Variants in PTPRM observed in about 807,000 individuals in gnomAD.
The protein encoded by PTPRM is receptor-type tyrosine-protein phosphatase mu.
PTPRM carries 47 observed loss-of-function variants against 186.7 expected under a neutral mutation model. The ratio of observed to expected loss-of-function variants is 0.25; its 90% CI spans 0.20 to 0.32. The LOEUF is 0.32. Ranked by LOEUF, PTPRM falls within the 10% of genes least tolerant of loss-of-function variation. PTPRM has a pLI of 1.00. For synonymous variants in PTPRM, 668 were observed against 674.9 expected, an observed-to-expected ratio of 0.99 and a Z score of 0.16; for missense variants, 1,494 against 1,865.0, an observed-to-expected ratio of 0.80 and a Z score of 3.66.
chr18:8,129,699 G>A (rs541762049), intron 13 of PTPRM, among the ~76,000 whole-genome samples: 4 of 152,124 alleles, frequency 2.6e-5, no homozygotes, highest in Non-Finnish European at 5.9e-5. Context: ...TTATGGTTGT[G>A]TTCCAATATA....
chr18:7,957,699 A>C (rs574288630), intron 7 of PTPRM, among the ~76,000 whole-genome samples: 4 of 152,360 alleles, frequency 2.6e-5, no homozygotes, highest in Non-Finnish European at 2.9e-5. Context: ...TATAGGAAGA[A>C]ATATGGTTCA....
intron 13 of PTPRM, among the ~76,000 whole-genome samples, chr18:8,139,438 C>T (rs2092712763): frequency 6.6e-6 from 1 of 152,184 alleles, no homozygotes; most frequent in Non-Finnish European, 1.5e-5. Flanking sequence ...CCTGCCTCCA[C>T]CGTGGCCCGC....
At chr18:8,085,279 T>C (rs1255357146) in intron 9 of PTPRM, among the ~76,000 whole-genome samples, 1 of 152,098 alleles carries the variant, frequency 6.6e-6, no homozygotes, top group African/African-American at 2.4e-5. Flanking sequence ...AGTCAAATTA[T>C]GGCCACTAGA....
chr18:7,927,172 T>C (rs1325309378), intron 5 of PTPRM, among the ~76,000 whole-genome samples: 1 of 152,228 alleles, frequency 6.6e-6, no homozygotes, highest in African/African-American at 2.4e-5. Context: ...TAGTGATCAA[T>C]TGTGTGACTT....
At chr18:8,370,394 G>C (rs1413456033) in intron 23 of PTPRM, among the ~76,000 whole-genome samples, 2 of 152,140 alleles carry the variant, frequency 1.3e-5, no homozygotes, top group African/African-American at 4.8e-5. Flanking sequence ...ATACTAAAAT[G>C]AATCTGTAGT....
intron 32 of PTPRM, among the ~76,000 whole-genome samples, chr18:8,405,756 C>T (rs112772870): frequency 3.3e-5 from 5 of 152,346 alleles, no homozygotes; most frequent in African/African-American, 1.2e-4. Flanking sequence ...AAGGCATTTC[C>T]TGAAGCACTC....
chr18:7,843,282 C>T (rs1459895607), intron 2 of PTPRM, among the ~76,000 whole-genome samples: 1 of 152,034 alleles, frequency 6.6e-6, no homozygotes, highest in Non-Finnish European at 1.5e-5. Flanking sequence ...TTCAACTGGC[C>T]CTGTCTCTCC....
intron 8 of PTPRM, among the ~76,000 whole-genome samples, chr18:8,076,190 A>G (rs1161634636): frequency 6.6e-6 from 1 of 152,110 alleles, no homozygotes; most frequent in East Asian, 1.9e-4. Context: ...TTTCTTTTGG[A>G]AGAGTAAAAA....
rs875530 is a variant in PTPRM at position 7,774,106 on chromosome 18, T to G, written c.74-43T>G. 5 of 1,562,730 alleles carry G rather than the reference T, an allele frequency of 3.2e-6. No individual in the cohort carries two copies. The East Asian group carries it at 1.1e-4, about 35-fold the overall frequency. On this transcript the variant is annotated intron_variant, in intron 1 of 32. Transcript: ENST00000580170. The stretch of plus-strand genomic sequence containing the variant: ...CAATCATCATAGCTTATTCTAGAGG[T>G]CTGGTTGGTATTTACATTACTTTTT...
intron 19 of PTPRM, among the ~76,000 whole-genome samples, chr18:8,269,620 C>G (rs913575620): frequency 6.6e-6 from 1 of 151,920 alleles, no homozygotes; most frequent in Admixed American, 6.6e-5. Flanking sequence ...GCATTAGACT[C>G]CCTGATTTCA....
intron 20 of PTPRM, among the ~76,000 whole-genome samples, chr18:8,304,848 T>G (rs2095203594): frequency 6.6e-6 from 1 of 151,950 alleles, no homozygotes; most frequent in African/African-American, 2.4e-5. Context: ...GCTCTTTGTT[T>G]TTCAATGAGA....
chr18:7,735,913 G>T (rs2040760646), intron 1 of PTPRM, among the ~76,000 whole-genome samples: 1 of 151,706 alleles, frequency 6.6e-6, no homozygotes, highest in Non-Finnish European at 1.5e-5. Context: ...TGCCAATCAG[G>T]AAATCTTTGA....
intron 1 of PTPRM, among the ~76,000 whole-genome samples, chr18:7,765,705 CATT>C (rs2041985065): frequency 6.6e-6 from 1 of 152,074 alleles, no homozygotes. Context: ...GAACATATAA[CATT>C]AATTCTTTTG....
intron 2 of PTPRM, among the ~76,000 whole-genome samples, chr18:7,800,889 G>C (rs1007024491): frequency 6.6e-6 from 1 of 152,052 alleles, no homozygotes; most frequent in Non-Finnish European, 1.5e-5. Context: ...AAGTATTAAC[G>C]TATCTAAACA....
Position 7,953,551 on chromosome 18 carries a change from A to G in PTPRM, c.839-1570A>G, listed in dbSNP as rs183623886. On this transcript the variant is annotated intron_variant, in intron 6 of 32. Coordinates refer to ENST00000580170, the MANE Select transcript of PTPRM (RefSeq NM_001105244.2). ...TTTACATTATGTTTGTAGTCTCTGA[A>G]GGAAAATTCATTCACAGTTTTGTGT... 2.3e-3 allele frequency among the ~76,000 whole-genome samples: 353 copies of G among 152,356 alleles called. 3 individuals carry two copies. Among genetic ancestry groups the G allele is most frequent in the East Asian group, 7.7e-4 (4 of 5,192 alleles).
At position 7,568,600 on chromosome 18, in the gene PTPRM, C is replaced by T. The variant is rs1311223277; in HGVS notation, c.73+709C>T. Among the ~76,000 whole-genome samples, 3 of 152,220 alleles carry T rather than the reference C, an allele frequency of 2.0e-5. No homozygotes were observed. Among genetic ancestry groups the T allele is most frequent in the African/African-American group, 7.2e-5 (3 of 41,470 alleles). ...GCCCCGCTGGGCTCCCCCTCCCCAC[C>T]CTCGTCCCCCTAGCGGAGCGCCGCG... On this transcript the variant is annotated intron_variant, in intron 1 of 32. Transcript: ENST00000580170. The surrounding 1 kb of genome is among the most constrained non-coding windows in gnomAD (Gnocchi z 5.1).
At chr18:7,914,887 G>A (rs2050464965) in intron 4 of PTPRM, among the ~76,000 whole-genome samples, 1 of 152,068 alleles carries the variant, frequency 6.6e-6, no homozygotes, top group Admixed American at 6.5e-5. Context: ...TTTTATTCTG[G>A]TGGTTGGGCA....
intron 22 of PTPRM, among the ~76,000 whole-genome samples, chr18:8,329,434 TC>T (rs2095398964): frequency 6.6e-6 from 1 of 152,208 alleles, no homozygotes; most frequent in Non-Finnish European, 1.5e-5. Context: ...ACAGACCTGT[TC>T]CCCCATAGGG....
At chr18:7,974,954 T>C (rs1246094816) in intron 7 of PTPRM, among the ~76,000 whole-genome samples, 1 of 152,214 alleles carries the variant, frequency 6.6e-6, no homozygotes, top group African/African-American at 2.4e-5. Flanking sequence ...TTCTATCCCA[T>C]GTTTATCATT....
Sources: gnomAD v4.1 joint callset for allele counts (sites outside exome capture counted in the v4.1 genomes callset) on GRCh38, gnomAD v4.1.1 for gene constraint, Gnocchi (gnomAD v3.1) non-coding constraint, MANE v1.5 for transcripts, NCBI Gene and HGNC (gene_info 2026-07-23, HGNC 2026-07-21) for gene names.